CLEC16A: variants seen among roughly 807,000 people sequenced by gnomAD.
The protein encoded by CLEC16A is C-type lectin domain containing 16A.
CLEC16A carries 51 observed loss-of-function variants against 109.5 expected under a neutral mutation model. The observed-to-expected ratio is 0.47, with a 90% CI of 0.37 to 0.59. CLEC16A has a LOEUF of 0.59. Among genes scored for constraint, CLEC16A ranks in the 20% least tolerant of loss-of-function variants. The pLI is 0.00. For synonymous variants in CLEC16A, 673 were observed against 564.2 expected, an observed-to-expected ratio of 1.19 and a Z score of -2.73; for missense variants, 1,339 against 1,394.0, an observed-to-expected ratio of 0.96 and a Z score of 0.63.
intron 2 of CLEC16A, among the ~76,000 whole-genome samples, chr16:10,958,461 G>A (rs190388341): frequency 4.5e-4 from 68 of 152,286 alleles, no homozygotes; most frequent in Non-Finnish European, 7.8e-4. Context: ...CACTTCCTAG[G>A]TGAGCAGTCC....
chr16:11,008,826 T>TG (rs2045211545), intron 11 of CLEC16A, among the ~76,000 whole-genome samples: 1 of 86,272 alleles, frequency 1.2e-5, no homozygotes, highest in Non-Finnish European at 2.2e-5. Flanking sequence ...CCGTCTCTAC[T>TG]AAAAAAAAAA....
At chr16:11,015,421 C>T (rs186929962) in intron 11 of CLEC16A, among the ~76,000 whole-genome samples, 154 of 152,238 alleles carry the variant, frequency 1.0e-3, no homozygotes, top group African/African-American at 3.5e-3. Flanking sequence ...TCTGTGCACT[C>T]ATACTCAATA....
intron 19 of CLEC16A, among the ~76,000 whole-genome samples, chr16:11,103,594 A>G (rs974427700): frequency 2.6e-5 from 4 of 152,158 alleles, no homozygotes; most frequent in Non-Finnish European, 5.9e-5. Context: ...AAATAAAAAT[A>G]AATCACCTCC....
chr16:11,091,452 G>A (rs1055837381), intron 19 of CLEC16A, among the ~76,000 whole-genome samples: 3 of 152,224 alleles, frequency 2.0e-5, no homozygotes, highest in Admixed American at 2.0e-4. Flanking sequence ...AGGGCGGGTG[G>A]GGCTGTGTGC....
chr16:11,145,273 G>A (rs774956462), intron 22 of CLEC16A, among the ~76,000 whole-genome samples: 7 of 152,188 alleles, frequency 4.6e-5, no homozygotes, highest in African/African-American at 9.7e-5. Flanking sequence ...TGATGGGGCC[G>A]GCCTTAGGGC....
At chr16:11,016,822 G>T (rs1255408069) in intron 11 of CLEC16A, among the ~76,000 whole-genome samples, 1 of 152,144 alleles carries the variant, frequency 6.6e-6, no homozygotes, top group Non-Finnish European at 1.5e-5. Flanking sequence ...ACAAAACTAT[G>T]CAAACAAAGC....
rs577080277 is a variant in CLEC16A, at chr16:11,059,104, C to T, written c.1996-1798C>T. On this transcript the variant is annotated intron_variant, in intron 18 of 23. Transcript: ENST00000409790. ...CTCAGCCACTTAGCAGGTGTGTGAG[C>T]TGAAATAACTCTGCCCCTCTCAGCT... Among the ~76,000 whole-genome samples the T allele has an allele frequency of 5.3e-4, 81 of 152,192 alleles. 1 individual carries two copies. Among genetic ancestry groups the T allele is most frequent in the Non-Finnish European group, 1.2e-4 (8 of 68,038 alleles).
In CLEC16A at chr16:11,024,806, C is replaced by T; in HGVS notation, c.1437-15C>T. The stretch of plus-strand genomic sequence containing the variant: ...GTGCACCGTGAGGCTCATACATGCC[C>T]CTCCTCTTTTCCAGACCCTTCCTGG... On this transcript the variant is annotated splice_polypyrimidine_tract_variant and intron_variant, in intron 12 of 23. Transcript: ENST00000409790. The T allele has an allele frequency of 1.9e-6, 3 of 1,575,910 alleles. No homozygotes were observed. Among genetic ancestry groups the T allele is most frequent in the Non-Finnish European group, 2.6e-6 (3 of 1,158,366 alleles).
chr16:11,087,296 G>A (rs1348789711), intron 19 of CLEC16A, among the ~76,000 whole-genome samples: 1 of 151,696 alleles, frequency 6.6e-6, no homozygotes, highest in East Asian at 1.9e-4. Context: ...TGCCCACAGA[G>A]CCTCACCTGG....
At chr16:10,990,970 C>T (rs1418062362) in intron 10 of CLEC16A, among the ~76,000 whole-genome samples, 2 of 152,130 alleles carry the variant, frequency 1.3e-5, no homozygotes, top group African/African-American at 4.8e-5. Flanking sequence ...ATTATTTATT[C>T]AGATATTCAG....
intron 1 of CLEC16A, among the ~76,000 whole-genome samples, chr16:10,957,342 G>A (rs1257652400): frequency 2.0e-5 from 3 of 152,224 alleles, no homozygotes; most frequent in Admixed American, 6.5e-5. Flanking sequence ...TGCAGGCCCC[G>A]TGTTAGGCAT....
At chr16:10,988,750 G>C (rs2043819318) in intron 10 of CLEC16A, among the ~76,000 whole-genome samples, 1 of 152,128 alleles carries the variant, frequency 6.6e-6, no homozygotes, top group African/African-American at 2.4e-5. Flanking sequence ...GATTTTACTA[G>C]GTGTTCCCGG....
At chr16:11,017,758 A>G (rs937477563) in intron 11 of CLEC16A, among the ~76,000 whole-genome samples, 36 of 152,260 alleles carry the variant, frequency 2.4e-4, no homozygotes, top group African/African-American at 8.4e-4. Flanking sequence ...TCTAAATAGC[A>G]GAAAGACATT....
chr16:10,976,392 A>G (rs2043032922), intron 7 of CLEC16A, among the ~76,000 whole-genome samples: 1 of 151,808 alleles, frequency 6.6e-6, no homozygotes, highest in African/African-American at 2.4e-5. Context: ...GAAATGTGAC[A>G]TCTATATTTT....
chr16:11,120,339 T>G (rs945410886), intron 19 of CLEC16A, among the ~76,000 whole-genome samples: 1 of 152,280 alleles, frequency 6.6e-6, no homozygotes, highest in Non-Finnish European at 1.5e-5. Flanking sequence ...ATGCTTTATG[T>G]ACTTTATATG....
intron 19 of CLEC16A, among the ~76,000 whole-genome samples, chr16:11,093,031 C>T (rs1327116847): frequency 6.6e-6 from 1 of 152,202 alleles, no homozygotes; most frequent in African/African-American, 2.4e-5. Flanking sequence ...GCATCCTTAC[C>T]TGGGCAATCT....
At chr16:11,035,253 T>C (rs1426934205) in intron 13 of CLEC16A, among the ~76,000 whole-genome samples, 3 of 152,190 alleles carry the variant, frequency 2.0e-5, no homozygotes, top group Non-Finnish European at 4.4e-5. Context: ...GTGTGGGTGA[T>C]GGTTGGGCTT....
chr16:11,002,960 A>G, intron 10 of CLEC16A, 114 bp from the exon 11 acceptor site: 1 of 751,802 alleles, frequency 1.3e-6, no homozygotes. Flanking sequence ...CTTATGATAT[A>G]ATGGTTTCTT....
rs2041917312 is a variant in CLEC16A, at chr16:10,954,940, C to G, written c.81-2842C>G. On this transcript the variant is annotated intron_variant, in intron 1 of 23. Transcript: ENST00000409790. This position sits in a 1 kb window ranked among gnomAD's most constrained non-coding sequence, Gnocchi z 4.2. ...ACCATAATCTAATCACCATGGCAGC[C>G]AAGCCTGCTTCTGTTGAGCCCTTGC... 6.6e-6 allele frequency among the ~76,000 whole-genome samples: 1 copy of G among 152,248 alleles called. No homozygotes were observed. The highest frequency in any genetic ancestry group is 1.5e-5 in the Non-Finnish European group (1 of 68,040).
Sources: allele counts gnomAD v4.1 joint callset (sites outside exome capture counted in the v4.1 genomes callset), GRCh38; gene constraint gnomAD v4.1.1; non-coding constraint Gnocchi (gnomAD v3.1); transcripts MANE v1.5; gene names NCBI Gene and HGNC (gene_info 2026-07-23, HGNC 2026-07-21).